Variants in PCDHGB1 observed in about 807,000 individuals in gnomAD.
PCDHGB1 encodes the protein protocadherin gamma subfamily B, 1, also known as protocadherin gamma-B1.
Under a neutral mutation model 56.6 loss-of-function variants are expected in PCDHGB1, and 34 were observed. The ratio of observed to expected loss-of-function variants is 0.60; its 90% CI spans 0.46 to 0.80. The LOEUF is 0.80. PCDHGB1 is among the 30% of genes least tolerant of loss of function. PCDHGB1 has a pLI of 0.00. For missense variants in PCDHGB1, 1,278 were observed against 1,204.6 expected (o/e 1.06, Z -0.90); for synonymous variants, 561 against 505.9 (o/e 1.11, Z -1.46).
In PCDHGB1 at chr5:141,491,736, G is replaced by T; in HGVS notation, c.2410-3071G>T. The T allele has an allele frequency of 6.2e-7, 1 of 1,600,560 alleles. No individual in the cohort carries two copies. Among genetic ancestry groups the T allele is most frequent in the Non-Finnish European group, 8.5e-7 (1 of 1,174,270 alleles). ...CGGCGCCGCCCCGGGCGACCCCTGG[G>T]GGCGGCACTGGAGAAGCCGCCCGTC... On this transcript the variant is annotated intron_variant, in intron 1 of 3. Coordinates refer to ENST00000523390, the MANE Select transcript of PCDHGB1 (RefSeq NM_018922.3). This position sits in a 1 kb window ranked among gnomAD's most constrained non-coding sequence, Gnocchi z 6.9.
intron 1 of PCDHGB1, chr5:141,384,679 G>T: frequency 6.2e-7 from 1 of 1,614,216 alleles, no homozygotes; most frequent in Non-Finnish European, 8.5e-7. Context: ...GGTGGTGGCG[G>T]TGGACAAAGA....
At chr5:141,389,822 C>A in intron 1 of PCDHGB1, 3 of 1,613,932 alleles carry the variant, frequency 1.9e-6, no homozygotes, top group Middle Eastern at 1.6e-4. Context: ...CCGTGCGTGA[C>A]GGTGGACAGC....
At chr5:141,399,653 TG>T in intron 1 of PCDHGB1, 1 of 1,613,606 alleles carries the variant, frequency 6.2e-7, no homozygotes, top group Non-Finnish European at 8.5e-7. Flanking sequence ...CAAAGTGGGG[TG>T]GTGTTCGCGC....
At chr5:141,359,669 G>T (rs1417596414) in intron 1 of PCDHGB1, among the ~76,000 whole-genome samples, 1 of 151,966 alleles carries the variant, frequency 6.6e-6, no homozygotes, top group African/African-American at 2.4e-5. Context: ...ATAAAAATCC[G>T]TTGCCCTATA....
chr5:141,484,068 G>C (rs1287427208), intron 1 of PCDHGB1, among the ~76,000 whole-genome samples: 1 of 152,114 alleles, frequency 6.6e-6, no homozygotes, highest in African/African-American at 2.4e-5. Flanking sequence ...TAAGTGAAAA[G>C]CTTGCTCTTT....
At chr5:141,430,996 G>A (rs1256552269) in intron 1 of PCDHGB1, 6 of 1,614,024 alleles carry the variant, frequency 3.7e-6, no homozygotes, top group Non-Finnish European at 5.1e-6. Context: ...CCCTGAATCC[G>A]CGCAGCGGCA....
intron 1 of PCDHGB1, chr5:141,440,535 G>A (rs1305958587): frequency 1.3e-5 from 2 of 152,154 alleles, no homozygotes; most frequent in East Asian, 1.9e-4. Flanking sequence ...CATGCACCAC[G>A]GTTCAGCAGG....
Position 141,431,021 on chromosome 5 carries a change from G to A in PCDHGB1, c.2410-63786G>A. On this transcript the variant is annotated intron_variant, in intron 1 of 3. Coordinates refer to ENST00000523390, the MANE Select transcript of PCDHGB1 (RefSeq NM_018922.3). This position sits in a 1 kb window ranked among gnomAD's most constrained non-coding sequence, Gnocchi z 4.8. ...GCGCAGCGGCAGCTTGGTCACGGCG[G>A]GCAGGATAGACCGGGAGGAGCTCTG... is the stretch of plus-strand genomic sequence containing the variant. 1 of 1,613,940 alleles carries A rather than the reference G, an allele frequency of 6.2e-7. No individual in the cohort carries two copies. Among genetic ancestry groups the A allele is most frequent in the Non-Finnish European group, 8.5e-7 (1 of 1,179,936 alleles).
At chr5:141,356,667 C>CGG in intron 1 of PCDHGB1, 1 of 1,614,038 alleles carries the variant, frequency 6.2e-7, no homozygotes, top group Non-Finnish European at 8.5e-7. Context: ...GAATCACTTA[C>CGG]TCCCTGGCCG....
In PCDHGB1 at chr5:141,487,198, T is replaced by C; in HGVS notation, c.2410-7609T>C. ...AAGACACTCATCCAGTTGTCCCAGA[T>C]CTTCGAGAATCTTCAGCTCCAAGGG... On this transcript the variant is annotated intron_variant, in intron 1 of 3. Transcript: ENST00000523390. The surrounding 1 kb of genome is among the most constrained non-coding windows in gnomAD (Gnocchi z 5.0). The C allele has an allele frequency of 6.2e-7, 1 of 1,613,854 alleles. No homozygotes were observed.
Position 141,364,666 on chromosome 5 carries a change from C to A in PCDHGB1, c.2409+11997C>A, listed in dbSNP as rs1763468271. Reference sequence around the variant, plus strand: ...TGAACTTTAACATCTTGGTTGAGAACAAAATGAAAATTTATGGAGTAGAAG... The same window carrying A: ...TGAACTTTAACATCTTGGTTGAGAAAAAAATGAAAATTTATGGAGTAGAAG... On this transcript the variant is annotated intron_variant, in intron 1 of 3. Coordinates refer to ENST00000523390, the MANE Select transcript of PCDHGB1 (RefSeq NM_018922.3). The A allele has an allele frequency of 2.5e-6, 4 of 1,614,022 alleles. No homozygotes were observed. The East Asian group carries it at 6.7e-5, about 27-fold the overall frequency.
At chr5:141,375,707 C>G in intron 1 of PCDHGB1, 1 of 1,614,264 alleles carries the variant, frequency 6.2e-7, no homozygotes, top group Non-Finnish European at 8.5e-7. Context: ...GGACCCGCCT[C>G]TTAGCAGCAA....
At chr5:141,384,593 C>A (rs1449911634) in intron 1 of PCDHGB1, 3 of 1,614,252 alleles carry the variant, frequency 1.9e-6, no homozygotes, top group South Asian at 1.1e-5. Context: ...ATCCTGTACC[C>A]GGCCCTCCCC....
intron 1 of PCDHGB1, chr5:141,360,067 T>C: frequency 1.4e-6 from 2 of 1,466,818 alleles, no homozygotes; most frequent in Non-Finnish European, 1.8e-6. Flanking sequence ...AAAGTGACCT[T>C]AGCCCGGATT....
At chr5:141,389,785 ACGCCGTC>A (rs1561627912) in intron 1 of PCDHGB1, 1 of 1,613,332 alleles carries the variant, frequency 6.2e-7, no homozygotes. Context: ...GGCGACAGGG[ACGCCGTC>A]CGCCAGCGCC....
intron 1 of PCDHGB1, chr5:141,355,849 G>A (rs375626682): frequency 1.2e-6 from 2 of 1,612,420 alleles, no homozygotes; most frequent in East Asian, 4.5e-5. Context: ...GGCCTTCGAT[G>A]GAGGTGACCC....
At chr5:141,377,766 G>A (rs950570647) in intron 1 of PCDHGB1, 4 of 152,130 alleles carry the variant, frequency 2.6e-5, no homozygotes, top group African/African-American at 9.7e-5. Flanking sequence ...CCAGATCTTT[G>A]GTGTTAAAAG....
At chr5:141,462,540 T>G (rs2099042148) in intron 1 of PCDHGB1, among the ~76,000 whole-genome samples, 2 of 152,204 alleles carry the variant, frequency 1.3e-5, no homozygotes, top group Non-Finnish European at 2.9e-5. Flanking sequence ...TCAGTGATCT[T>G]TTCTTCTTCA....
At position 141,373,421 on chromosome 5, in the gene PCDHGB1, G is replaced by A. The variant is rs139166526; in HGVS notation, c.2409+20752G>A. The stretch of plus-strand genomic sequence containing the variant: ...GCCTGTAGTCCCAGCTACTCGGGAG[G>A]CTGAGGTGGGAGGATCCCTTGATCC... On this transcript the variant is annotated intron_variant, in intron 1 of 3. Transcript: ENST00000523390. 4.0e-3 allele frequency among the ~76,000 whole-genome samples: 615 copies of A among 152,344 alleles called. 6 individuals carry two copies. The highest frequency in any genetic ancestry group is 0.011 in the Admixed American group (171 of 15,306).
Sources: allele counts gnomAD v4.1 joint callset (sites outside exome capture counted in the v4.1 genomes callset), GRCh38; gene constraint gnomAD v4.1.1; non-coding constraint Gnocchi (gnomAD v3.1); transcripts MANE v1.5; gene names NCBI Gene and HGNC (gene_info 2026-07-23, HGNC 2026-07-21).